Variants in POU6F2 observed in about 807,000 individuals in gnomAD.
POU6F2 encodes POU domain, class 6, transcription factor 2.
In POU6F2, 31 loss-of-function variants were observed where a neutral mutation model predicts 71.3. The ratio of observed to expected loss-of-function variants is 0.43; its 90% CI spans 0.33 to 0.59. The LOEUF is 0.59. POU6F2 is among the 20% of genes least tolerant of loss of function. The pLI, the probability that POU6F2 is intolerant of heterozygous loss-of-function variation, is 0.04. For missense variants in POU6F2, 783 were observed against 856.8 expected, an observed-to-expected ratio of 0.91 and a Z score of 1.07; for synonymous variants, 347 against 355.7, an observed-to-expected ratio of 0.98 and a Z score of 0.27.
chr7:39,300,438 A>G (rs1370047582), intron 4 of POU6F2, among the ~76,000 whole-genome samples: 3 of 152,158 alleles, frequency 2.0e-5, no homozygotes, highest in African/African-American at 7.2e-5. Flanking sequence ...CCTCACGGCA[A>G]GTGACGAATG....
At chr7:39,365,600 C>A (rs1444124972) in intron 5 of POU6F2, among the ~76,000 whole-genome samples, 1 of 152,066 alleles carries the variant, frequency 6.6e-6, no homozygotes, top group African/African-American at 2.4e-5. Flanking sequence ...ACAGACAACC[C>A]AGAGAGTGGG....
At chr7:38,990,607 C>T (rs970197418) in intron 1 of POU6F2, among the ~76,000 whole-genome samples, 1 of 152,246 alleles carries the variant, frequency 6.6e-6, no homozygotes, top group African/African-American at 2.4e-5. Context: ...GCACTTACTG[C>T]TTTGGAACAT....
chr7:39,125,145 G>A (rs995288679), intron 2 of POU6F2, among the ~76,000 whole-genome samples: 12 of 151,874 alleles, frequency 7.9e-5, no homozygotes, highest in Middle Eastern at 6.8e-3. Context: ...CTTTGATTCA[G>A]TTTGCAAATG....
In POU6F2 at chr7:39,288,503, C is replaced by T. The variant is rs149871462; in HGVS notation, c.599-51139C>T. Among the ~76,000 whole-genome samples the T allele has an allele frequency of 1.2e-3, 190 of 152,296 alleles. 1 individual carries two copies. Among genetic ancestry groups the T allele is most frequent in the African/African-American group, 4.0e-3 (166 of 41,562 alleles). On this transcript the variant is annotated intron_variant, in intron 4 of 9. Transcript: ENST00000518318. ...TCATCACATATCAGCCTTCTGTTCA[C>T]GAACACCTTGGTCAAGTGAAAAATT... is the stretch of plus-strand genomic sequence containing the variant.
In POU6F2 at chr7:39,003,456, T is replaced by C. The variant is rs529989411; in HGVS notation, c.105+25398T>C. Reference sequence around the variant, plus strand: ...CTGATGTCTTAAAAGAAGGAAGTGATTGGGCTGGTCACGGTGGCTCATGCC... The same window carrying C: ...CTGATGTCTTAAAAGAAGGAAGTGACTGGGCTGGTCACGGTGGCTCATGCC... On this transcript the variant is annotated intron_variant, in intron 1 of 9. Transcript: ENST00000518318. 2.4e-3 allele frequency among the ~76,000 whole-genome samples: 369 copies of C among 151,884 alleles called. 2 individuals are homozygous for C. Among genetic ancestry groups the C allele is most frequent in the African/African-American group, 8.5e-3 (351 of 41,438 alleles).
chr7:38,989,803 G>GTA lies in POU6F2; in HGVS notation c.105+11746_105+11747insAT, dbSNP rs202067258. On this transcript the variant is annotated intron_variant, in intron 1 of 9. Coordinates refer to ENST00000518318, the MANE Select transcript of POU6F2 (RefSeq NM_001370959.1). ...ATTAGGCACTGTTCTGTGTGTGTTTGTGTGTGTGTGTGTGTGTGTGTGTTT... is the reference window on the plus strand; with the variant it reads ...ATTAGGCACTGTTCTGTGTGTGTTTGTATGTGTGTGTGTGTGTGTGTGTGTTT... Among the ~76,000 whole-genome samples the GTA allele has an allele frequency of 8.0e-3, 1,084 of 135,946 alleles. 16 individuals carry two copies. The highest frequency in any genetic ancestry group is 0.029 in the African/African-American group (983 of 34,390). The allele number at this position is 135,946 out of a possible 152,430, so 89.2% of individuals were successfully genotyped here.
intron 2 of POU6F2, among the ~76,000 whole-genome samples, chr7:39,102,031 A>G (rs1791585541): frequency 6.6e-6 from 1 of 152,140 alleles, no homozygotes; most frequent in South Asian, 2.1e-4. Context: ...CCAGAGATGT[A>G]TTTCTTTTTT....
intron 2 of POU6F2, among the ~76,000 whole-genome samples, chr7:39,093,551 A>G (rs1472049701): frequency 6.6e-6 from 1 of 152,104 alleles, no homozygotes; most frequent in Non-Finnish European, 1.5e-5. Context: ...GGCATTAAGT[A>G]GTTTTCTTAG....
At chr7:39,163,890 T>C (rs1243844486) in intron 2 of POU6F2, among the ~76,000 whole-genome samples, 1 of 152,088 alleles carries the variant, frequency 6.6e-6, no homozygotes, top group African/African-American at 2.4e-5. Flanking sequence ...AGGGACAATA[T>C]GTTAAAAGAA....
At chr7:38,999,453 G>T (rs1370785568) in intron 1 of POU6F2, among the ~76,000 whole-genome samples, 1 of 152,108 alleles carries the variant, frequency 6.6e-6, no homozygotes, top group East Asian at 1.9e-4. Flanking sequence ...ACAATAACTT[G>T]TACCCCTCAA....
chr7:38,981,753 T>A (rs1326703934), intron 1 of POU6F2, among the ~76,000 whole-genome samples: 1 of 152,206 alleles, frequency 6.6e-6, no homozygotes, highest in African/African-American at 2.4e-5. Context: ...ATGGGTCTTT[T>A]ATTTTTCAAA....
intron 4 of POU6F2, among the ~76,000 whole-genome samples, chr7:39,331,582 A>T (rs996663669): frequency 2.0e-5 from 3 of 152,104 alleles, no homozygotes; most frequent in Admixed American, 2.0e-4. Flanking sequence ...ATCTCGGCTC[A>T]CTGCAACCTC....
intron 4 of POU6F2, among the ~76,000 whole-genome samples, chr7:39,319,950 C>G (rs1245133516): frequency 6.6e-6 from 1 of 152,202 alleles, no homozygotes; most frequent in Admixed American, 6.5e-5. Context: ...CTCTATGCAT[C>G]TTGTTTCAGC....
chr7:39,329,628 A>T (rs1469737558), intron 4 of POU6F2, among the ~76,000 whole-genome samples: 1 of 152,174 alleles, frequency 6.6e-6, no homozygotes, highest in Non-Finnish European at 1.5e-5. Context: ...GGACTCTGTG[A>T]GGCAGGATAA....
At chr7:39,006,738 T>C in intron 1 of POU6F2, 1 of 1,007,166 alleles carries the variant, frequency 9.9e-7, no homozygotes, top group Non-Finnish European at 1.6e-6. Context: ...TTAAATAAAA[T>C]GTTGGGGTTT....
At chr7:39,125,659 A>C (rs1395949422) in intron 2 of POU6F2, among the ~76,000 whole-genome samples, 1 of 152,150 alleles carries the variant, frequency 6.6e-6, no homozygotes, top group African/African-American at 2.4e-5. Context: ...AGCATAAAGA[A>C]AGCCCATTTT....
chr7:39,408,584 AT>A (rs1356972362), intron 6 of POU6F2, among the ~76,000 whole-genome samples: 3 of 152,248 alleles, frequency 2.0e-5, no homozygotes, highest in Non-Finnish European at 4.4e-5. Context: ...ACTTTAAAAT[AT>A]CTTATTTTAG....
chr7:39,318,293 T>G (rs12537044), intron 4 of POU6F2, among the ~76,000 whole-genome samples: 17,110 of 151,976 alleles, frequency 0.11, 1,222 homozygotes, highest in East Asian at 0.17. Context: ...ACCAGAAGCT[T>G]GTTTAAAGGC....
intron 2 of POU6F2, among the ~76,000 whole-genome samples, chr7:39,179,211 G>A (rs1388135217): frequency 6.6e-6 from 1 of 152,208 alleles, no homozygotes; most frequent in African/African-American, 2.4e-5. Context: ...AGACCAGAGA[G>A]GATGCTCCTT....
Sources: allele counts gnomAD v4.1 joint callset (sites outside exome capture counted in the v4.1 genomes callset), GRCh38; gene constraint gnomAD v4.1.1; transcripts MANE v1.5; gene names NCBI Gene and HGNC (gene_info 2026-07-23, HGNC 2026-07-21).